Variants in MAP2K4 observed in about 807,000 individuals in gnomAD.
The protein encoded by MAP2K4 is dual specificity mitogen-activated protein kinase kinase 4.
In MAP2K4, 4 loss-of-function variants were observed where a neutral mutation model predicts 48.5. The ratio of observed to expected loss-of-function variants is 0.08; its 90% confidence interval spans 0.04 to 0.19. MAP2K4 has a LOEUF of 0.19. Ranked by LOEUF, MAP2K4 falls within the 10% of genes least tolerant of loss-of-function variation. The pLI is 1.00. For synonymous variants in MAP2K4, 166 were observed against 173.1 expected (o/e 0.96, Z 0.32); for missense variants, 258 against 493.3 (o/e 0.52, Z 4.52).
intron 4 of MAP2K4, among the ~76,000 whole-genome samples, chr17:12,101,761 C>T (rs78840082): frequency 0.026 from 3,887 of 152,024 alleles, 196 homozygotes; most frequent in East Asian, 0.2. Flanking sequence ...TAGAGTTGCC[C>T]TTAAGTGTAT....
intron 4 of MAP2K4, among the ~76,000 whole-genome samples, chr17:12,099,058 C>T (rs1016857765): frequency 2.6e-5 from 4 of 151,990 alleles, no homozygotes; most frequent in African/African-American, 9.7e-5. Flanking sequence ...CAACTCCTCC[C>T]TCCCTTCTGT....
At chr17:12,072,460 T>A (rs1363105677) in intron 2 of MAP2K4, among the ~76,000 whole-genome samples, 2 of 152,230 alleles carry the variant, frequency 1.3e-5, no homozygotes, top group East Asian at 3.8e-4. Flanking sequence ...GAAAGTTTTC[T>A]TATTTTCTTC....
rs1354864318 is a variant in MAP2K4, at chr17:12,081,708, C to T, written c.393+178C>T. On this transcript the variant is annotated intron_variant, in intron 3 of 10. Coordinates refer to ENST00000353533, the MANE Select transcript of MAP2K4 (RefSeq NM_003010.4). This position sits in a 1 kb window ranked among gnomAD's most constrained non-coding sequence, Gnocchi z 4.2. ...AGGTTTCTTATTGGTGGCACATTTT[C>T]TATCTCTTTGGAAACATGAGTGTAT... 6.6e-6 allele frequency among the ~76,000 whole-genome samples: 1 copy of T among 152,180 alleles called. No individual in the cohort carries two copies. The highest frequency in any genetic ancestry group is 1.5e-5 in the Non-Finnish European group (1 of 68,046).
Position 12,095,705 on chromosome 17 carries a change from A to C in MAP2K4, c.513+11A>C, listed in dbSNP as rs200723742. 215 of 1,612,238 alleles carry C rather than the reference A, an allele frequency of 1.3e-4. No homozygotes were observed. Among genetic ancestry groups the C allele is most frequent in the Non-Finnish European group, 1.6e-4 (190 of 1,179,422 alleles). ...GCACTCTTCAGAGAGGTAGGAATAA[A>C]CTGGGTTTTAGCTGACTAATGAATA... On this transcript the variant is annotated intron_variant, in intron 4 of 10. Transcript: ENST00000353533.
chr17:12,076,497 C>A (rs985692364), intron 2 of MAP2K4, among the ~76,000 whole-genome samples: 1 of 152,126 alleles, frequency 6.6e-6, no homozygotes, highest in African/African-American at 2.4e-5. Context: ...TCACTGCAAA[C>A]ATGTAGCCTC....
In MAP2K4 at chr17:12,128,439, T is replaced by G. The variant is rs553259318; in HGVS notation, c.892-700T>G. ...GGAGATAGATGAGAATACGATTCAC[T>G]GGTTATTAGAGAATATTTTTTTTTT... On this transcript the variant is annotated intron_variant, in intron 8 of 10. Transcript: ENST00000353533. Among the ~76,000 whole-genome samples, 4 of 152,322 alleles carry G rather than the reference T, an allele frequency of 2.6e-5. No individual in the cohort carries two copies. The South Asian group carries it at 8.3e-4, about 32-fold the overall frequency.
At chr17:12,101,557 CAAA>C (rs1283064039) in intron 4 of MAP2K4, among the ~76,000 whole-genome samples, 2 of 151,950 alleles carry the variant, frequency 1.3e-5, no homozygotes, top group African/African-American at 4.8e-5. Flanking sequence ...AAACCAACAA[CAAA>C]AAAACAACCT....
intron 1 of MAP2K4, among the ~76,000 whole-genome samples, chr17:12,022,631 TA>T (rs1969123028): frequency 1.3e-5 from 2 of 152,214 alleles, no homozygotes; most frequent in South Asian, 4.1e-4. Context: ...GTTCAAAAAA[TA>T]TTTATTGAGC....
At chr17:12,022,976 G>A (rs1212412650) in intron 1 of MAP2K4, among the ~76,000 whole-genome samples, 1 of 152,166 alleles carries the variant, frequency 6.6e-6, no homozygotes, top group African/African-American at 2.4e-5. Flanking sequence ...CAGTGGTTAG[G>A]ACTTTTTCTG....
Position 12,035,843 on chromosome 17 carries a change from C to G in MAP2K4, c.115+14842C>G, listed in dbSNP as rs930024317. Among the ~76,000 whole-genome samples the G allele has an allele frequency of 7.2e-5, 11 of 152,144 alleles. No homozygotes were observed. The East Asian group carries it at 2.1e-3, about 29-fold the overall frequency. ...ATTTATTGTAAGATGATTCTGATGA[C>G]TAATGGAAGCTCTGAAGGATTAATT... On this transcript the variant is annotated intron_variant, in intron 1 of 10. Coordinates refer to ENST00000353533, the MANE Select transcript of MAP2K4 (RefSeq NM_003010.4).
chr17:12,065,189 TCTCA>T (rs890243358), intron 2 of MAP2K4, among the ~76,000 whole-genome samples: 1 of 151,654 alleles, frequency 6.6e-6, no homozygotes. Flanking sequence ...GATTTGTGCA[TCTCA>T]CTCTATGTAA....
intron 2 of MAP2K4, among the ~76,000 whole-genome samples, chr17:12,060,775 G>T (rs1970426644): frequency 6.6e-6 from 1 of 151,840 alleles, no homozygotes; most frequent in Admixed American, 6.6e-5. Flanking sequence ...GGCTGGTTTG[G>T]TGCTACTGCT....
intron 2 of MAP2K4, among the ~76,000 whole-genome samples, chr17:12,070,993 C>A (rs11651238): frequency 2.6e-5 from 4 of 152,178 alleles, no homozygotes; most frequent in Non-Finnish European, 4.4e-5. Flanking sequence ...GAGGATCCCC[C>A]CTTTCTTTCA....
chr17:12,068,858 C>T (rs529983365), intron 2 of MAP2K4, among the ~76,000 whole-genome samples: 2 of 151,820 alleles, frequency 1.3e-5, no homozygotes, highest in South Asian at 4.2e-4. Context: ...AGTCTGGTGC[C>T]AGAAGTGAAG....
intron 2 of MAP2K4, among the ~76,000 whole-genome samples, chr17:12,072,598 A>C (rs1210487713): frequency 5.9e-5 from 9 of 152,202 alleles, no homozygotes. Context: ...TATGATAAGA[A>C]TATCATAAGG....
chr17:12,068,745 A>G (rs1447916389), intron 2 of MAP2K4, among the ~76,000 whole-genome samples: 3 of 150,212 alleles, frequency 2.0e-5, no homozygotes, highest in Non-Finnish European at 3.0e-5. Context: ...AAACATACAT[A>G]TATATATTAT....
intron 9 of MAP2K4, among the ~76,000 whole-genome samples, chr17:12,139,115 A>G (rs574481475): frequency 6.6e-6 from 1 of 152,246 alleles, no homozygotes; most frequent in African/African-American, 2.4e-5. Flanking sequence ...TATGTTACCC[A>G]TATTAATTCA....
chr17:12,124,896 C>T (rs1037234875), intron 7 of MAP2K4: 66 of 178,710 alleles, frequency 3.7e-4, no homozygotes, highest in African/African-American at 1.5e-3. Context: ...AGGATGGTCT[C>T]GATCTGCTGA....
intron 1 of MAP2K4, among the ~76,000 whole-genome samples, chr17:12,050,058 T>C (rs191793643): frequency 3.3e-5 from 5 of 152,326 alleles, no homozygotes; most frequent in Non-Finnish European, 4.4e-5. Context: ...GTTGAAGATA[T>C]GCAGATTGGC....
Sources: gnomAD v4.1 joint callset for allele counts (sites outside exome capture counted in the v4.1 genomes callset) on GRCh38, gnomAD v4.1.1 for gene constraint, Gnocchi (gnomAD v3.1) non-coding constraint, MANE v1.5 for transcripts, NCBI Gene and HGNC (gene_info 2026-07-23, HGNC 2026-07-21) for gene names.